CNTN1: variants seen among roughly 807,000 people sequenced by gnomAD.
CNTN1 encodes the protein contactin-1.
In CNTN1, 38 loss-of-function variants were observed where a neutral mutation model predicts 126.4. That is an observed-to-expected ratio of 0.30 (90% CI 0.23 to 0.39). The LOEUF (loss-of-function observed/expected upper bound fraction) is 0.39, where lower values mean the gene tolerates loss of function less well. Ranked by LOEUF, CNTN1 falls within the 10% of genes least tolerant of loss-of-function variation. CNTN1 has a pLI of 1.00. For synonymous variants in CNTN1, 413 were observed against 422.6 expected (o/e 0.98, Z 0.28); for missense variants, 1,009 against 1,248.4 (o/e 0.81, Z 2.89).
At chr12:40,909,758 A>T (rs1944962976) in intron 2 of CNTN1, among the ~76,000 whole-genome samples, 1 of 151,546 alleles carries the variant, frequency 6.6e-6, no homozygotes, top group Admixed American at 6.6e-5. Flanking sequence ...ACATATATAT[A>T]ATGTAAATAT....
chr12:41,051,353 G>A (rs779662486), intron 23 of CNTN1, among the ~76,000 whole-genome samples: 33 of 150,994 alleles, frequency 2.2e-4, no homozygotes, highest in African/African-American at 2.9e-4. Context: ...GCATTTCACC[G>A]TGTTAGCCAG....
intron 1 of CNTN1, among the ~76,000 whole-genome samples, chr12:40,891,178 C>G (rs1944227666): frequency 6.6e-6 from 1 of 152,092 alleles, no homozygotes; most frequent in African/African-American, 2.4e-5. Context: ...GGTGAGATGT[C>G]TCTTCAGGAA....
chr12:40,790,326 G>C (rs1458194329), intron 1 of CNTN1, among the ~76,000 whole-genome samples: 1 of 152,054 alleles, frequency 6.6e-6, no homozygotes, highest in Non-Finnish European at 1.5e-5. Flanking sequence ...CAGTGTTATG[G>C]ATAGGAAGCC....
In CNTN1 at chr12:40,918,635, G is replaced by A. The variant is rs762307549; in HGVS notation, c.95-4G>A. 9.3e-6 allele frequency: 15 copies of A among 1,611,648 alleles called. No homozygotes were observed. The highest frequency in any genetic ancestry group is 1.7e-6 in the Non-Finnish European group (2 of 1,178,232). On this transcript the variant is annotated splice_polypyrimidine_tract_variant and splice_region_variant and intron_variant, in intron 3 of 23. Transcript: ENST00000551295. ...AATGTAAAACAATTTCATATTTCTTGTAGTTTCTGAGGAAGACAAAGGATT... is the reference window on the plus strand; with the variant it reads ...AATGTAAAACAATTTCATATTTCTTATAGTTTCTGAGGAAGACAAAGGATT...
Position 40,769,976 on chromosome 12 carries a change from T to C in CNTN1, c.-77+77384T>C, listed in dbSNP as rs558827749. ...AGAAGACCTAAGGGCCTATGAACTC[T>C]GTTGCAGAGAAGTGAGAAGAGAGTT... On this transcript the variant is annotated intron_variant, in intron 1 of 23. Transcript: ENST00000551295. 7.9e-5 allele frequency among the ~76,000 whole-genome samples: 12 copies of C among 152,284 alleles called. No homozygotes were observed. The South Asian group carries it at 1.7e-3, about 21-fold the overall frequency.
At chr12:40,982,646 G>A (rs1048382470) in intron 16 of CNTN1, among the ~76,000 whole-genome samples, 8 of 152,110 alleles carry the variant, frequency 5.3e-5, no homozygotes, top group African/African-American at 1.9e-4. Flanking sequence ...CCCACTGTGT[G>A]CCAGAACCTA....
At chr12:40,954,269 G>A (rs1371611593) in intron 14 of CNTN1, among the ~76,000 whole-genome samples, 1 of 151,902 alleles carries the variant, frequency 6.6e-6, no homozygotes, top group African/African-American at 2.4e-5. Context: ...TGAATATTTA[G>A]TATCAAGTGC....
chr12:41,017,000 C>A (rs954252013), intron 19 of CNTN1, 84 bp downstream of exon 19: 3 of 1,171,424 alleles, frequency 2.6e-6, no homozygotes, highest in Non-Finnish European at 3.8e-6. Context: ...TCCTTTCAGG[C>A]CTTACTTATT....
At chr12:40,808,988 T>C (rs551835532) in intron 1 of CNTN1, among the ~76,000 whole-genome samples, 1 of 152,314 alleles carries the variant, frequency 6.6e-6, no homozygotes, top group African/African-American at 2.4e-5. Flanking sequence ...GTGGTCACTC[T>C]AGTCAAGAAT....
chr12:40,864,182 A>T (rs149051043), intron 1 of CNTN1, among the ~76,000 whole-genome samples: 7 of 150,938 alleles, frequency 4.6e-5, no homozygotes, highest in Admixed American at 4.6e-4. Context: ...ACGCCCAGCT[A>T]ATTTTTTGTA....
At chr12:40,793,027 G>A (rs1442843688) in intron 1 of CNTN1, among the ~76,000 whole-genome samples, 1 of 151,918 alleles carries the variant, frequency 6.6e-6, no homozygotes, top group Non-Finnish European at 1.5e-5. Context: ...GTCCTCCTTA[G>A]CCTCATCTAA....
chr12:40,701,346 G>A (rs1941589979), intron 1 of CNTN1, among the ~76,000 whole-genome samples: 1 of 152,074 alleles, frequency 6.6e-6, no homozygotes. Flanking sequence ...TTTGACACAA[G>A]CACCAGAAGT....
chr12:40,891,879 G>T (rs368262103), intron 1 of CNTN1, among the ~76,000 whole-genome samples: 2 of 151,940 alleles, frequency 1.3e-5, no homozygotes, highest in African/African-American at 4.8e-5. Flanking sequence ...TGACTATTCT[G>T]CTTCTCTATG....
chr12:40,831,141 A>T (rs983810107), intron 1 of CNTN1, among the ~76,000 whole-genome samples: 1 of 143,078 alleles, frequency 7.0e-6, no homozygotes, highest in Non-Finnish European at 1.5e-5. Context: ...TCTATAGTAT[A>T]TATACTATAA....
At chr12:40,729,640 C>A in intron 1 of CNTN1, 2 of 221,820 alleles carry the variant, frequency 9.0e-6, no homozygotes, top group South Asian at 1.6e-4. Flanking sequence ...AGCATGGAGT[C>A]CACAAACTTT....
intron 1 of CNTN1, among the ~76,000 whole-genome samples, chr12:40,807,576 TAG>T (rs1940906825): frequency 6.6e-6 from 1 of 152,190 alleles, no homozygotes; most frequent in African/African-American, 2.4e-5. Context: ...GCTCTAAATG[TAG>T]AGTGATTAGA....
intron 23 of CNTN1, among the ~76,000 whole-genome samples, chr12:41,043,169 G>C (rs1331878413): frequency 6.6e-6 from 1 of 152,110 alleles, no homozygotes; most frequent in Non-Finnish European, 1.5e-5. Context: ...TTAAACTAAA[G>C]AGCTCCTGCA....
intron 1 of CNTN1, among the ~76,000 whole-genome samples, chr12:40,880,411 A>G (rs1210399962): frequency 6.6e-6 from 1 of 152,028 alleles, no homozygotes; most frequent in East Asian, 1.9e-4. Context: ...AATGGTTATA[A>G]AGAAAATAAT....
At chr12:40,939,616 G>T (rs1946196901) in intron 12 of CNTN1, 131 bp downstream of exon 12, 7 of 923,112 alleles carry the variant, frequency 7.6e-6, no homozygotes, top group Admixed American at 4.3e-5. Flanking sequence ...AGATCCTGTA[G>T]TTCTAAGATG....
Sources: gnomAD v4.1 joint callset for allele counts (sites outside exome capture counted in the v4.1 genomes callset) on GRCh38, gnomAD v4.1.1 for gene constraint, MANE v1.5 for transcripts, NCBI Gene and HGNC (gene_info 2026-07-23, HGNC 2026-07-21) for gene names.